GPC5: variants seen among roughly 807,000 people sequenced by gnomAD.
GPC5 encodes glypican 5.
GPC5 carries 47 observed loss-of-function variants against 53.9 expected under a neutral mutation model. That is an observed-to-expected ratio of 0.87 (90% confidence interval 0.69 to 1.11). The LOEUF is 1.11. Among genes scored for constraint, GPC5 ranks in the 50% most tolerant of loss-of-function variants. The pLI is 0.00. For synonymous variants in GPC5, 286 were observed against 263.3 expected (o/e 1.09, Z -0.84); for missense variants, 748 against 713.1 (o/e 1.05, Z -0.56).
intron 5 of GPC5, among the ~76,000 whole-genome samples, chr13:91,784,202 G>A (rs1281039697): frequency 6.6e-6 from 1 of 152,114 alleles, no homozygotes; most frequent in African/African-American, 2.4e-5. Context: ...TAGTTAAAAA[G>A]TGTCATGTTC....
intron 2 of GPC5, among the ~76,000 whole-genome samples, chr13:91,462,091 T>A (rs985443130): frequency 6.6e-6 from 1 of 152,120 alleles, no homozygotes; most frequent in Non-Finnish European, 1.5e-5. Flanking sequence ...GAAACCAACG[T>A]GAATACTAAA....
intron 4 of GPC5, among the ~76,000 whole-genome samples, chr13:91,731,893 G>C (rs747613219): frequency 2.1e-4 from 32 of 152,172 alleles, no homozygotes; most frequent in Non-Finnish European, 1.9e-4. Context: ...AGTATTCCAT[G>C]GTGTATATGT....
chr13:91,862,509 A>G (rs1168768377), intron 5 of GPC5, among the ~76,000 whole-genome samples: 1 of 152,214 alleles, frequency 6.6e-6, no homozygotes, highest in Non-Finnish European at 1.5e-5. Flanking sequence ...AAATGCCCAC[A>G]ACGAAGAATT....
At chr13:91,582,891 C>T (rs994764339) in intron 2 of GPC5, among the ~76,000 whole-genome samples, 1 of 152,014 alleles carries the variant, frequency 6.6e-6, no homozygotes, top group Non-Finnish European at 1.5e-5. Context: ...CACCCAGCTA[C>T]CCGGAAGGCT....
intron 6 of GPC5, among the ~76,000 whole-genome samples, chr13:92,028,563 C>T (rs2040818008): frequency 6.6e-6 from 1 of 152,132 alleles, no homozygotes; most frequent in Non-Finnish European, 1.5e-5. Context: ...TGGGTAATTT[C>T]ACTGAATCAT....
At chr13:92,430,255 A>G (rs1877027234) in intron 7 of GPC5, among the ~76,000 whole-genome samples, 1 of 152,152 alleles carries the variant, frequency 6.6e-6, no homozygotes, top group South Asian at 2.1e-4. Flanking sequence ...GAAAAACACT[A>G]AGAAATGTAT....
At chr13:92,446,668 T>C (rs1877840232) in intron 7 of GPC5, 1 of 152,162 alleles carries the variant, frequency 6.6e-6, no homozygotes, top group South Asian at 2.1e-4. Context: ...TGCTGGTTCA[T>C]ACAGTAGTTC....
chr13:91,414,648 A>T (rs924583470), intron 1 of GPC5, among the ~76,000 whole-genome samples: 4 of 152,242 alleles, frequency 2.6e-5, no homozygotes, highest in Non-Finnish European at 4.4e-5. Context: ...TAGAGTGCTT[A>T]CAAATCTCTC....
intron 7 of GPC5, among the ~76,000 whole-genome samples, chr13:92,619,077 TACTC>T (rs1409410826): frequency 1.3e-5 from 2 of 151,958 alleles, no homozygotes; most frequent in Non-Finnish European, 2.9e-5. Context: ...AAAGCTAAAT[TACTC>T]ACTTTGTGTT....
At chr13:91,595,884 A>G (rs1486105524) in intron 2 of GPC5, among the ~76,000 whole-genome samples, 1 of 152,196 alleles carries the variant, frequency 6.6e-6, no homozygotes, top group Non-Finnish European at 1.5e-5. Flanking sequence ...ATGTTACCAA[A>G]TCCAGTGGTG....
At chr13:92,704,895 A>G (rs1345971612) in intron 7 of GPC5, among the ~76,000 whole-genome samples, 1 of 147,204 alleles carries the variant, frequency 6.8e-6, no homozygotes, top group Non-Finnish European at 1.5e-5. Context: ...GTGTATATAT[A>G]TGAGTATATA....
At chr13:91,469,787 C>T (rs1390148355) in intron 2 of GPC5, among the ~76,000 whole-genome samples, 4 of 152,044 alleles carry the variant, frequency 2.6e-5, no homozygotes, top group Admixed American at 2.6e-4. Context: ...TGCCTGTAAT[C>T]CCAGCACTTT....
intron 7 of GPC5, among the ~76,000 whole-genome samples, chr13:92,462,377 G>A (rs567505903): frequency 6.6e-6 from 1 of 152,258 alleles, no homozygotes; most frequent in South Asian, 2.1e-4. Flanking sequence ...AAGGTAGAGA[G>A]TTTAAGGTTG....
chr13:91,695,032 C>G (rs2035850105), intron 3 of GPC5, among the ~76,000 whole-genome samples: 1 of 152,202 alleles, frequency 6.6e-6, no homozygotes, highest in African/African-American at 2.4e-5. Flanking sequence ...CTTTCCAGGT[C>G]CTGCGTGAGC....
chr13:91,988,914 G>T (rs1594708783), intron 6 of GPC5, among the ~76,000 whole-genome samples: 1 of 151,930 alleles, frequency 6.6e-6, no homozygotes, highest in African/African-American at 2.4e-5. Context: ...TTTGAAATCT[G>T]CAGTCATCCT....
At chr13:91,763,354 A>AC (rs2138667447) in intron 5 of GPC5, among the ~76,000 whole-genome samples, 1 of 152,254 alleles carries the variant, frequency 6.6e-6, no homozygotes, top group Admixed American at 6.5e-5. Context: ...AATCTAAAGA[A>AC]CCCCATGAAT....
At chr13:92,464,493 T>C (rs1466888852) in intron 7 of GPC5, among the ~76,000 whole-genome samples, 1 of 152,076 alleles carries the variant, frequency 6.6e-6, no homozygotes, top group Non-Finnish European at 1.5e-5. Context: ...TCTTCATCCA[T>C]TAACCCTAAA....
chr13:91,666,595 T>C, intron 2 of GPC5, among the ~76,000 whole-genome samples: 1 of 152,218 alleles, frequency 6.6e-6, no homozygotes, highest in East Asian at 1.9e-4. Flanking sequence ...AATATTTCAA[T>C]TCAATATGAT....
chr13:92,838,142 T>C (rs1878283227), intron 7 of GPC5, among the ~76,000 whole-genome samples: 1 of 151,606 alleles, frequency 6.6e-6, no homozygotes, highest in Non-Finnish European at 1.5e-5. Context: ...CATTCATGCA[T>C]GATTGCTTTA....
Sources: gnomAD v4.1 joint callset for allele counts (sites outside exome capture counted in the v4.1 genomes callset) on GRCh38, gnomAD v4.1.1 for gene constraint, MANE v1.5 for transcripts, NCBI Gene and HGNC (gene_info 2026-07-23, HGNC 2026-07-21) for gene names.